SEC14L5: variants seen among roughly 807,000 people sequenced by gnomAD.
The protein encoded by SEC14L5 is SEC14-like protein 5.
A neutral mutation model predicts 84.6 loss-of-function variants in SEC14L5; 96 were observed. The ratio of observed to expected loss-of-function variants is 1.13; its 90% CI spans 0.96 to 1.34. The LOEUF (loss-of-function observed/expected upper bound fraction) is 1.34. Among genes scored for constraint, SEC14L5 ranks in the 40% most tolerant of loss-of-function variants. The pLI is 0.00. For missense variants in SEC14L5, 1,224 were observed against 942.5 expected (o/e 1.30, Z -3.91); for synonymous variants, 546 against 383.4 (o/e 1.42, Z -4.95).
Position 4,997,027 on chromosome 16 carries a change from G to C in SEC14L5, c.953G>C (p.Trp318Ser). ...CTGGAGGAGTTCTATGCAGGGGGCT[G>C]GCATTACCAGGACATAGGTGCGTGC... Reference protein sequence around the residue: ...ALLEEFYAGGWHYQDIDGRPL... With the variant: ...ALLEEFYAGGSHYQDIDGRPL... Residue 318 changes from tryptophan to serine, a missense_variant, in exon 8 of 16, where the codon TGG becomes TCG. Physicochemically the swap from Trp to Ser is radical, Grantham distance 177. Coordinates refer to ENST00000251170, the MANE Select transcript of SEC14L5 (RefSeq NM_014692.2). 1 of 1,611,012 alleles carries C rather than the reference G, an allele frequency of 6.2e-7. No individual in the cohort carries two copies. Among genetic ancestry groups the C allele is most frequent in the Non-Finnish European group, 8.5e-7 (1 of 1,178,648 alleles).
At chr16:4,968,479 G>A (rs893158877) in intron 2 of SEC14L5, among the ~76,000 whole-genome samples, 8 of 152,228 alleles carry the variant, frequency 5.3e-5, no homozygotes, top group South Asian at 2.1e-4. Context: ...GCGCCCGGCC[G>A]CACCTGGCTA....
intron 1 of SEC14L5, among the ~76,000 whole-genome samples, chr16:4,958,918 C>T (rs545005944): frequency 1.3e-5 from 2 of 152,040 alleles, no homozygotes; most frequent in South Asian, 4.1e-4. Flanking sequence ...CTGTGGCAAG[C>T]TGCGGGGTGC....
Position 5,000,732 on chromosome 16 carries a change from CTG to C in SEC14L5, c.1049_1050del (p.Leu350ProfsTer16). On this transcript the variant is annotated frameshift_variant, in exon 9 of 16. Coordinates refer to ENST00000251170, the MANE Select transcript of SEC14L5 (RefSeq NM_014692.2). LOFTEE classifies it high-confidence loss of function. Reference sequence around the variant, plus strand: ...GATGAAGGCCGTGGGGGAGGAGGCGCTGCTGCGGCATGTGAGTCAGGGGCCTC... The same window carrying C: ...GATGAAGGCCGTGGGGGAGGAGGCGCCTGCGGCATGTGAGTCAGGGGCCTC... ...GLMKAVGEEA[L>X]LRHVLSVNEE... 1 of 1,552,676 alleles carries C rather than the reference CTG, an allele frequency of 6.4e-7. No homozygotes were observed. The highest frequency in any genetic ancestry group is 8.7e-7 in the Non-Finnish European group (1 of 1,147,832).
At chr16:5,001,610 G>C (rs1325374547) in intron 10 of SEC14L5, among the ~76,000 whole-genome samples, 1 of 152,048 alleles carries the variant, frequency 6.6e-6, no homozygotes, top group Admixed American at 6.6e-5. Context: ...CCTTGGCTCT[G>C]TCATGGCACA....
intron 8 of SEC14L5, among the ~76,000 whole-genome samples, 169 bp downstream of exon 8, chr16:4,997,213 C>A (rs1215438767): frequency 6.6e-6 from 1 of 152,208 alleles, no homozygotes; most frequent in Non-Finnish European, 1.5e-5. Flanking sequence ...ATTCTCCTGC[C>A]TCAGCCTCCC....
At chr16:5,003,623 G>GTCA in intron 11 of SEC14L5, 50 bp downstream of exon 11, 1 of 404,778 alleles carries the variant, frequency 2.5e-6, no homozygotes, top group Non-Finnish European at 4.9e-6. Flanking sequence ...GGGTGGGATG[G>GTCA]GAGGGGTTCC....
At chr16:4,985,640 A>T (rs754213087) in intron 2 of SEC14L5, among the ~76,000 whole-genome samples, 1 of 152,160 alleles carries the variant, frequency 6.6e-6, no homozygotes, top group African/African-American at 2.4e-5. Context: ...TCAGTTGGTG[A>T]TAAACGTAAG....
intron 8 of SEC14L5, among the ~76,000 whole-genome samples, chr16:4,999,731 T>C (rs921482681): frequency 1.3e-5 from 2 of 151,780 alleles, no homozygotes; most frequent in Non-Finnish European, 2.9e-5. Flanking sequence ...CTGGCCAACA[T>C]TGTGAAACCC....
In SEC14L5 at chr16:5,011,266, G is replaced by A. The variant is rs1197705240; in HGVS notation, c.1972G>A (p.Asp658Asn). The A allele has an allele frequency of 1.9e-6, 3 of 1,613,154 alleles. No individual in the cohort carries two copies. Among genetic ancestry groups the A allele is most frequent in the Non-Finnish European group, 2.5e-6 (3 of 1,179,424 alleles). The change falls in exon 15 of 16, where the codon GAC becomes AAC. Residue 658 changes from aspartate (D) to asparagine (N), a missense_variant. Coordinates refer to ENST00000251170, the MANE Select transcript of SEC14L5 (RefSeq NM_014692.2). ...LYYCEVLASE[D>N]FRGSMSSLES... Reference sequence around the variant, plus strand: ...CTACTGTGAGGTGCTCGCCTCTGAGGACTTCAGGTAGGAGGGCTCCGGAGC... The same window carrying A: ...CTACTGTGAGGTGCTCGCCTCTGAGAACTTCAGGTAGGAGGGCTCCGGAGC...
At chr16:4,965,458 G>T (rs538862871) in intron 2 of SEC14L5, among the ~76,000 whole-genome samples, 1 of 148,964 alleles carries the variant, frequency 6.7e-6, no homozygotes, top group Non-Finnish European at 1.5e-5. Flanking sequence ...TCAGGAGATC[G>T]AGACCATCCT....
intron 13 of SEC14L5, 124 bp downstream of exon 13, chr16:5,007,610 T>C (rs796876631): frequency 3.4e-4 from 240 of 703,056 alleles, no homozygotes; most frequent in East Asian, 8.5e-4. Flanking sequence ...TTCTTTCTTT[T>C]TTTTTTTTTT....
intron 2 of SEC14L5, among the ~76,000 whole-genome samples, chr16:4,960,294 G>T (rs1265635256): frequency 6.6e-6 from 1 of 152,230 alleles, no homozygotes; most frequent in African/African-American, 2.4e-5. Flanking sequence ...CGGGCACACA[G>T]TAGGAGCTCA....
At chr16:4,964,678 T>C (rs1019251) in intron 2 of SEC14L5, among the ~76,000 whole-genome samples, 88,778 of 151,932 alleles carry the variant, frequency 0.58, 27,075 homozygotes, top group East Asian at 0.79. Flanking sequence ...TCAGGTGATC[T>C]TCCTGCTTCG....
intron 2 of SEC14L5, among the ~76,000 whole-genome samples, chr16:4,968,490 A>G (rs145839666): frequency 3.9e-5 from 6 of 152,276 alleles, no homozygotes; most frequent in African/African-American, 1.4e-4. Context: ...CACCTGGCTA[A>G]TTTTAAAAAA....
intron 11 of SEC14L5, among the ~76,000 whole-genome samples, chr16:5,004,997 G>A (rs1955715159): frequency 6.6e-6 from 1 of 152,208 alleles, no homozygotes; most frequent in Admixed American, 6.5e-5. Context: ...CATGTACTGT[G>A]TGATCTCCTT....
chr16:4,984,138 G>A (rs369361006), intron 2 of SEC14L5, among the ~76,000 whole-genome samples: 1 of 152,044 alleles, frequency 6.6e-6, no homozygotes. Flanking sequence ...TCATTACCTC[G>A]AAAAGAAGCT....
Position 5,015,085 on chromosome 16 carries a change from A to G in SEC14L5, c.*115A>G, listed in dbSNP as rs559938113. On this transcript the variant is annotated 3_prime_UTR_variant, in exon 16 of 16. Transcript: ENST00000251170. Reference sequence around the variant, plus strand: ...ATGTGGGCTGGAGCCCCAGGCCTAGATGCTGCCCAAGTTGGGGTGTCTGGA... The same window carrying G: ...ATGTGGGCTGGAGCCCCAGGCCTAGGTGCTGCCCAAGTTGGGGTGTCTGGA... 9.5e-5 allele frequency: 74 copies of G among 779,508 alleles called. 1 individual carries two copies. The highest frequency in any genetic ancestry group is 1.5e-4 in the Admixed American group (6 of 38,718). 48.3% of individuals were successfully genotyped at this position (779,508 alleles called of 1,614,324 possible). A position where few individuals can be genotyped will look rare whatever the true frequency, so the allele number is the denominator to read the frequency against.
chr16:4,972,936 T>G (rs1955297936), intron 2 of SEC14L5, among the ~76,000 whole-genome samples: 1 of 152,248 alleles, frequency 6.6e-6, no homozygotes, highest in South Asian at 2.1e-4. Flanking sequence ...GGCAGTGCTA[T>G]GCTGTTGCTC....
intron 2 of SEC14L5, among the ~76,000 whole-genome samples, chr16:4,965,039 A>G (rs1955180177): frequency 6.6e-6 from 1 of 152,112 alleles, no homozygotes; most frequent in African/African-American, 2.4e-5. Flanking sequence ...CCACTATAAT[A>G]TATATTTTTA....
Sources: allele counts gnomAD v4.1 joint callset (sites outside exome capture counted in the v4.1 genomes callset), GRCh38; gene constraint gnomAD v4.1.1; transcripts MANE v1.5; gene names NCBI Gene and HGNC (gene_info 2026-07-23, HGNC 2026-07-21).